Variants in PSME4 observed in about 807,000 individuals in gnomAD.
The protein encoded by PSME4 is proteasome activator complex subunit 4.
Under a neutral mutation model 253.9 loss-of-function variants are expected in PSME4, and 89 were observed. The observed-to-expected ratio is 0.35, with a 90% CI of 0.30 to 0.42. The LOEUF is 0.42. Among genes scored for constraint, PSME4 ranks in the 10% least tolerant of loss-of-function variants. The pLI is 1.00. For missense variants in PSME4, 2,014 were observed against 2,195.2 expected (o/e 0.92, Z 1.65); for synonymous variants, 851 against 759.2 (o/e 1.12, Z -1.99).
At chr2:53,885,880 C>T in intron 40 of PSME4, 105 bp from the exon 41 acceptor site, 1 of 679,712 alleles carries the variant, frequency 1.5e-6, no homozygotes, top group Non-Finnish European at 2.5e-6. Flanking sequence ...TCTGACAGCT[C>T]TTCGGTGCTA....
At chr2:53,946,045 G>T (rs1290010712) in intron 3 of PSME4, among the ~76,000 whole-genome samples, 1 of 152,098 alleles carries the variant, frequency 6.6e-6, no homozygotes, top group Non-Finnish European at 1.5e-5. Context: ...GACACTTTAG[G>T]AAGAGACATG....
intron 42 of PSME4, among the ~76,000 whole-genome samples, chr2:53,875,149 G>T (rs533269241): frequency 5.3e-5 from 8 of 152,100 alleles, no homozygotes; most frequent in Admixed American, 1.3e-4. Context: ...TTTCCAGTGT[G>T]GTTATCAAAT....
chr2:53,947,704 T>TCAAAACAAAACAAAA (rs72500278), intron 3 of PSME4, among the ~76,000 whole-genome samples: 11 of 148,492 alleles, frequency 7.4e-5, no homozygotes, highest in South Asian at 2.1e-4. Context: ...AGACTCCATC[T>TCAAAACAAAACAAAA]CAAAACAAAA....
intron 44 of PSME4, among the ~76,000 whole-genome samples, chr2:53,867,885 A>G (rs1405478930): frequency 6.6e-6 from 1 of 152,146 alleles, no homozygotes; most frequent in Non-Finnish European, 1.5e-5. Context: ...TTCTTAAAAC[A>G]GAGAATTGCA....
intron 1 of PSME4, among the ~76,000 whole-genome samples, chr2:53,965,837 C>G (rs1177803901): frequency 1.1e-4 from 17 of 151,618 alleles, no homozygotes; most frequent in Admixed American, 1.1e-3. Context: ...GCCCGGCTAA[C>G]TTTTTTTTGT....
intron 10 of PSME4, among the ~76,000 whole-genome samples, chr2:53,931,326 G>C (rs1381482092): frequency 6.6e-6 from 1 of 152,008 alleles, no homozygotes; most frequent in Non-Finnish European, 1.5e-5. Context: ...CGCCTATTCT[G>C]TGACAGTGGC....
intron 18 of PSME4, 123 bp downstream of exon 18, chr2:53,920,766 A>C (rs1305939500): frequency 1.2e-6 from 1 of 818,670 alleles, no homozygotes; most frequent in African/African-American, 1.7e-5. Context: ...ATATTCCAAT[A>C]ATAGTTTCAA....
chr2:53,958,489 T>C (rs1212604097), intron 1 of PSME4, among the ~76,000 whole-genome samples: 2 of 152,188 alleles, frequency 1.3e-5, no homozygotes, highest in Non-Finnish European at 2.9e-5. Context: ...AAAATACTAA[T>C]GGGATTATAA....
intron 26 of PSME4, 79 bp downstream of exon 26, chr2:53,906,519 T>A (rs1005360231): frequency 1.4e-5 from 20 of 1,411,238 alleles, no homozygotes; most frequent in Non-Finnish European, 1.9e-5. Flanking sequence ...ATTTAAACTC[T>A]CTTCTTAAAA....
intron 27 of PSME4, 140 bp from the exon 28 acceptor site, chr2:53,901,699 C>T (rs945050830): frequency 3.5e-6 from 2 of 578,398 alleles, no homozygotes; most frequent in African/African-American, 1.8e-5. Flanking sequence ...TATGTTCACA[C>T]ATTTAACATG....
rs1668738396 is a variant in PSME4 at position 53,929,797 on chromosome 2, T to C, written c.1317-1494A>G. 2.6e-5 allele frequency among the ~76,000 whole-genome samples: 4 copies of C among 152,082 alleles called. 1 individual carries two copies. In the South Asian group the frequency reaches 8.3e-4, roughly 32 times the overall value. ...CTTTGGGAGGCCAAGGCAGGCGGAC[T>C]GCTTGAGGTCAGGAGTTCAAGATCA... On this transcript the variant is annotated intron_variant, in intron 10 of 46. Coordinates refer to ENST00000404125, the MANE Select transcript of PSME4 (RefSeq NM_014614.3).
Position 53,865,117 on chromosome 2 carries a change from G to C in PSME4, c.*461C>G, listed in dbSNP as rs1368195116. ...GGCTCTCCAGACCCAAGGTTCTCAA[G>C]GCTTCAGATTTATGGCCCACAGCCC... On this transcript the variant is annotated 3_prime_UTR_variant, in exon 47 of 47. Coordinates refer to ENST00000404125, the MANE Select transcript of PSME4 (RefSeq NM_014614.3). 6.6e-6 allele frequency: 1 copy of C among 152,582 alleles called. No homozygotes were observed. Among genetic ancestry groups the C allele is most frequent in the Non-Finnish European group, 1.5e-5 (1 of 68,060 alleles). The allele number at this position is 152,582 out of a possible 1,614,324, so 9.5% of individuals were successfully genotyped here. A position where few individuals can be genotyped will look rare whatever the true frequency, so the allele number is the denominator to read the frequency against.
In PSME4 at chr2:53,939,606, A is replaced by G. The variant is rs536721181; in HGVS notation, c.545+350T>C. Among the ~76,000 whole-genome samples the G allele has an allele frequency of 3.3e-5, 5 of 152,334 alleles. No individual in the cohort carries two copies. The East Asian group carries it at 9.6e-4, about 29-fold the overall frequency. The stretch of plus-strand genomic sequence containing the variant: ...AAAGAAAAGAATATGGGATATTTAA[A>G]TATTCTACAGAACATAGTTGAAAAA... On this transcript the variant is annotated intron_variant, in intron 4 of 46. Transcript: ENST00000404125.
intron 36 of PSME4, among the ~76,000 whole-genome samples, chr2:53,892,494 T>A (rs959657547): frequency 2.0e-5 from 3 of 152,114 alleles, no homozygotes; most frequent in Non-Finnish European, 4.4e-5. Flanking sequence ...ATCAGCAGAG[T>A]GACACAGTGC....
Position 53,970,558 on chromosome 2 carries a change from G to A in PSME4, c.227C>T (p.Thr76Ile). 1 of 1,548,316 alleles carries A rather than the reference G, an allele frequency of 6.5e-7. No homozygotes were observed. The highest frequency in any genetic ancestry group is 8.7e-7 in the Non-Finnish European group (1 of 1,146,852). The part of the protein sequence containing the change: ...QELWPGGLFW[T>I]RKLSTYIRLY... ...GCACACTTACGTGGAGAGTTTCCTG[G>A]TCCAGAAGAGGCCCCCGGGCCACAG... Residue 76 changes from threonine (T) to isoleucine (I), a missense_variant, in exon 1 of 47, where the codon ACC becomes ATC. Thr to Ile is a moderately conservative substitution (Grantham distance 89, BLOSUM62 -1). Around this residue, in one of 4 missense-constraint regions of PSME4, gnomAD observed 615 missense variants for 594.4 expected, o/e 1.03. Transcript: ENST00000404125.
At chr2:53,913,238 AAATATTTGTACCACTAAAAAAGGAC>A (rs1667909813) in intron 20 of PSME4, among the ~76,000 whole-genome samples, 1 of 152,218 alleles carries the variant, frequency 6.6e-6, no homozygotes. Flanking sequence ...AAATGTATTA[AAATATTTGTACCACTAAAAAAGGAC>A]CTATGAATTT....
At chr2:53,902,478 G>T (rs1292388542) in intron 27 of PSME4, among the ~76,000 whole-genome samples, 1 of 152,028 alleles carries the variant, frequency 6.6e-6, no homozygotes, top group Non-Finnish European at 1.5e-5. Flanking sequence ...GCTTATTACT[G>T]ACTTTGTATT....
rs754499876 is a variant in PSME4, at chr2:53,899,949, T to C, written c.3354A>G (p.Ile1118Met). 2 of 1,613,444 alleles carry C rather than the reference T, an allele frequency of 1.2e-6. No homozygotes were observed. Among genetic ancestry groups the C allele is most frequent in the Non-Finnish European group, 1.7e-6 (2 of 1,179,352 alleles). ...QQSKNPSINQ[I>M]LLSPEKIKEG... is the part of the protein sequence containing the mutation. ...CCTTAATTTTTTCTGGGCTAAGCAA[T>C]ATCTGGTTGATAGAGGGGTTTTTTG... The change falls in exon 29 of 47, where the codon ATA (isoleucine) becomes ATG (methionine). Residue 1118 changes from isoleucine to methionine, a missense_variant. By Grantham distance (10) the Ile-to-Met change is conservative (BLOSUM62 1). Around this residue, in one of 4 missense-constraint regions of PSME4, gnomAD observed 989 missense variants for 1,021.1 expected, o/e 0.97. Coordinates refer to ENST00000404125, the MANE Select transcript of PSME4 (RefSeq NM_014614.3).
chr2:53,902,577 C>G (rs1680462455), intron 27 of PSME4, among the ~76,000 whole-genome samples: 1 of 151,986 alleles, frequency 6.6e-6, no homozygotes. Context: ...TGTACTTGAC[C>G]TCTCTAATTT....
Sources: allele counts gnomAD v4.1 joint callset (sites outside exome capture counted in the v4.1 genomes callset), GRCh38; gene constraint gnomAD v4.1.1; regional missense constraint gnomAD v4.1.1; transcripts MANE v1.5; gene names NCBI Gene and HGNC (gene_info 2026-07-23, HGNC 2026-07-21).